Variants in KCNB2 observed in about 807,000 individuals in gnomAD.
KCNB2 encodes the protein potassium voltage-gated channel subfamily B member 2.
A neutral mutation model predicts 61.5 loss-of-function variants in KCNB2; 15 were observed. The observed-to-expected ratio is 0.24, with a 90% CI of 0.16 to 0.38. The LOEUF (loss-of-function observed/expected upper bound fraction) is 0.38. Ranked by LOEUF, KCNB2 falls within the 10% of genes least tolerant of loss-of-function variation. The pLI, the probability that KCNB2 is intolerant of heterozygous loss-of-function variation, is 1.00. For missense variants in KCNB2, 828 were observed against 1,125.2 expected (o/e 0.74, Z 3.78); for synonymous variants, 457 against 446.0 (o/e 1.02, Z -0.31).
At chr8:72,845,939 AG>A (rs1234411105) in intron 2 of KCNB2, among the ~76,000 whole-genome samples, 1 of 150,628 alleles carries the variant, frequency 6.6e-6, no homozygotes, top group African/African-American at 2.4e-5. Flanking sequence ...ACCTTTCCAG[AG>A]GAGTGAACAG....
At chr8:72,569,185 C>T (rs1554576584) in intron 2 of KCNB2, among the ~76,000 whole-genome samples, 1 of 152,054 alleles carries the variant, frequency 6.6e-6, no homozygotes, top group Non-Finnish European at 1.5e-5. Flanking sequence ...AGTAAAAATT[C>T]AAAAAGCCAT....
intron 2 of KCNB2, among the ~76,000 whole-genome samples, chr8:72,775,794 A>G (rs1210756490): frequency 6.6e-6 from 1 of 152,058 alleles, no homozygotes; most frequent in Non-Finnish European, 1.5e-5. Context: ...ACAAAATCTT[A>G]GGCTGTGCCT....
intron 2 of KCNB2, among the ~76,000 whole-genome samples, chr8:72,642,576 C>T (rs1046278763): frequency 1.3e-5 from 2 of 152,050 alleles, no homozygotes; most frequent in Non-Finnish European, 2.9e-5. Context: ...GTATCATTTG[C>T]ACTCAGTGGT....
chr8:72,643,475 G>A (rs538276088), intron 2 of KCNB2, among the ~76,000 whole-genome samples: 10 of 152,178 alleles, frequency 6.6e-5, no homozygotes, highest in African/African-American at 2.2e-4. Context: ...CATTTTGTAT[G>A]TCTGACTCAT....
chr8:72,909,459 G>A (rs1806243154), intron 2 of KCNB2, among the ~76,000 whole-genome samples: 1 of 152,112 alleles, frequency 6.6e-6, no homozygotes, highest in African/African-American at 2.4e-5. Context: ...AGGTGAGGGA[G>A]AATCTGTAGA....
intron 2 of KCNB2, among the ~76,000 whole-genome samples, chr8:72,580,361 A>T (rs1020347327): frequency 6.6e-6 from 1 of 152,192 alleles, no homozygotes; most frequent in African/African-American, 2.4e-5. Flanking sequence ...CACTAATGCC[A>T]TATTGATATT....
At chr8:72,796,718 A>C (rs1809036243) in intron 2 of KCNB2, among the ~76,000 whole-genome samples, 2 of 152,194 alleles carry the variant, frequency 1.3e-5, no homozygotes, top group Non-Finnish European at 1.5e-5. Flanking sequence ...TGAATCAGGG[A>C]AACAGTTTTG....
chr8:72,607,636 T>C lies in KCNB2; in HGVS notation c.579+39323T>C, dbSNP rs560868475. On this transcript the variant is annotated intron_variant, in intron 2 of 2. Transcript: ENST00000523207. ...ATATTTTGTGATTTATATTTTATGA[T>C]CTGTTTAGAAAGTGTTTTTTAATCC... 3.9e-5 allele frequency among the ~76,000 whole-genome samples: 6 copies of C among 152,322 alleles called. No individual in the cohort carries two copies. In the South Asian group the frequency reaches 1.2e-3, roughly 32 times the overall value.
chr8:72,628,081 G>A (rs1440418127), intron 2 of KCNB2, among the ~76,000 whole-genome samples: 4 of 152,080 alleles, frequency 2.6e-5, no homozygotes, highest in Non-Finnish European at 5.9e-5. Flanking sequence ...AGCCTCCTGA[G>A]TAGCTGGGAC....
chr8:72,647,716 C>G (rs1041851276), intron 2 of KCNB2, among the ~76,000 whole-genome samples: 4 of 151,890 alleles, frequency 2.6e-5, no homozygotes, highest in Admixed American at 2.6e-4. Flanking sequence ...GCTCAAGAGT[C>G]AAAAGAAGAG....
At chr8:72,798,931 C>T (rs891197741) in intron 2 of KCNB2, among the ~76,000 whole-genome samples, 1 of 152,164 alleles carries the variant, frequency 6.6e-6, no homozygotes, top group Admixed American at 6.5e-5. Context: ...CTTTTTTCTT[C>T]TTGCAGCCCC....
chr8:72,793,534 C>T (rs980594594), intron 2 of KCNB2, among the ~76,000 whole-genome samples: 3 of 152,070 alleles, frequency 2.0e-5, no homozygotes, highest in African/African-American at 7.2e-5. Flanking sequence ...GTCAACCAGT[C>T]ATGTAGGCAA....
chr8:72,901,642 A>C (rs1806095387), intron 2 of KCNB2, among the ~76,000 whole-genome samples: 1 of 152,158 alleles, frequency 6.6e-6, no homozygotes, highest in Non-Finnish European at 1.5e-5. Context: ...GGTCATTTAC[A>C]ATCTTTTCTT....
intron 2 of KCNB2, among the ~76,000 whole-genome samples, chr8:72,690,627 T>C (rs1016101964): frequency 2.0e-5 from 3 of 152,224 alleles, no homozygotes; most frequent in African/African-American, 7.2e-5. Context: ...AGTGCCCAGT[T>C]TCAGGTTTCC....
intron 2 of KCNB2, among the ~76,000 whole-genome samples, chr8:72,717,554 C>A (rs188379335): frequency 6.6e-6 from 1 of 151,984 alleles, no homozygotes; most frequent in African/African-American, 2.4e-5. Context: ...CAAAAACAAG[C>A]AATGGGGAAA....
chr8:72,700,614 G>A lies in KCNB2; in HGVS notation c.579+132301G>A, dbSNP rs566130421. Among the ~76,000 whole-genome samples, 62 of 152,210 alleles carry A rather than the reference G, an allele frequency of 4.1e-4. 1 individual carries two copies. Among genetic ancestry groups the A allele is most frequent in the Admixed American group, 2.9e-3 (44 of 15,262 alleles). ...ATGCTGGCAAGGCTATAGAGAAAAG[G>A]GAACACTTATACACTGTTGGAGAGA... is the stretch of plus-strand genomic sequence containing the variant. On this transcript the variant is annotated intron_variant, in intron 2 of 2. Transcript: ENST00000523207.
chr8:72,756,242 C>A (rs1256345092), intron 2 of KCNB2, among the ~76,000 whole-genome samples: 1 of 152,178 alleles, frequency 6.6e-6, no homozygotes, highest in Non-Finnish European at 1.5e-5. Flanking sequence ...AGCAGTGGCT[C>A]CCTCTCACTT....
At chr8:72,916,561 G>T (rs1247735060) in intron 2 of KCNB2, among the ~76,000 whole-genome samples, 1 of 152,206 alleles carries the variant, frequency 6.6e-6, no homozygotes, top group African/African-American at 2.4e-5. Flanking sequence ...TTTACTGTCT[G>T]TGGACAGCTT....
At chr8:72,727,165 G>A (rs932180512) in intron 2 of KCNB2, among the ~76,000 whole-genome samples, 2 of 152,032 alleles carry the variant, frequency 1.3e-5, no homozygotes, top group South Asian at 2.1e-4. Context: ...AAATTGAAAC[G>A]AAATGAAGAG....
Sources: gnomAD v4.1 joint callset for allele counts (sites outside exome capture counted in the v4.1 genomes callset) on GRCh38, gnomAD v4.1.1 for gene constraint, MANE v1.5 for transcripts, NCBI Gene and HGNC (gene_info 2026-07-23, HGNC 2026-07-21) for gene names.